Variants in COL19A1 observed in about 807,000 individuals in gnomAD.
COL19A1 encodes the protein collagen alpha-1(XIX) chain.
A neutral mutation model predicts 190.2 loss-of-function variants in COL19A1; 159 were observed. That is an observed-to-expected ratio of 0.84 (90% CI 0.73 to 0.95). The LOEUF (loss-of-function observed/expected upper bound fraction) is 0.95. Among genes scored for constraint, COL19A1 ranks in the 40% least tolerant of loss-of-function variants. The pLI, the probability that COL19A1 is intolerant of heterozygous loss-of-function variation, is 0.00. For synonymous variants in COL19A1, 509 were observed against 458.9 expected, an observed-to-expected ratio of 1.11 and a Z score of -1.39; for missense variants, 1,418 against 1,431.9, an observed-to-expected ratio of 0.99 and a Z score of 0.16.
chr6:70,114,079 G>C (rs1184468579), intron 16 of COL19A1, among the ~76,000 whole-genome samples: 2 of 151,958 alleles, frequency 1.3e-5, no homozygotes, highest in South Asian at 2.1e-4. Flanking sequence ...TCGAACTCCT[G>C]AGCTCAAGCA....
chr6:70,080,428 G>A (rs1782179323), intron 15 of COL19A1, among the ~76,000 whole-genome samples: 1 of 152,194 alleles, frequency 6.6e-6, no homozygotes, highest in Non-Finnish European at 1.5e-5. Flanking sequence ...TGGGGAAAAT[G>A]TGGGCATTTC....
intron 2 of COL19A1, chr6:69,890,439 C>T (rs1053106798): frequency 2.0e-5 from 3 of 152,176 alleles, no homozygotes; most frequent in Non-Finnish European, 4.4e-5. Context: ...CTTATCATCT[C>T]CTGTTGGTTC....
intron 11 of COL19A1, among the ~76,000 whole-genome samples, chr6:69,965,894 C>T (rs1365503476): frequency 1.3e-5 from 2 of 152,176 alleles, no homozygotes; most frequent in Non-Finnish European, 2.9e-5. Context: ...ACCCTCTCCA[C>T]AGCTGAGAGT....
rs150948416 is a variant in COL19A1, at chr6:69,927,784, A to G, written c.267-125A>G. 1.5e-3 allele frequency: 1,880 copies of G among 1,242,486 alleles called. 17 individuals carry two copies. Among genetic ancestry groups the G allele is most frequent in the African/African-American group, 0.012 (821 of 66,358 alleles). 77.0% of individuals were successfully genotyped at this position (1,242,486 alleles called of 1,614,324 possible). A position where few individuals can be genotyped will look rare whatever the true frequency, so the allele number is the denominator to read the frequency against. ...TTTTTAAAAGGAAAGAGAAAAGTGC[A>G]TAAGTTACACATTTACTGAGAAAAA... On this transcript the variant is annotated intron_variant, in intron 4 of 50. Coordinates refer to ENST00000620364, the MANE Select transcript of COL19A1 (RefSeq NM_001858.6).
At chr6:70,055,672 T>G (rs541815690) in intron 14 of COL19A1, among the ~76,000 whole-genome samples, 127 of 150,808 alleles carry the variant, frequency 8.4e-4, no homozygotes, top group African/African-American at 3.0e-3. Flanking sequence ...ATCCCAGCTA[T>G]GCAGGAGGCT....
chr6:70,163,641 G>A (rs1371486915), intron 36 of COL19A1, among the ~76,000 whole-genome samples: 1 of 152,180 alleles, frequency 6.6e-6, no homozygotes, highest in African/African-American at 2.4e-5. Flanking sequence ...GTTCAGGCTG[G>A]ATTCAGAATC....
intron 12 of COL19A1, among the ~76,000 whole-genome samples, chr6:70,033,645 G>C (rs1036505409): frequency 3.3e-5 from 5 of 151,980 alleles, no homozygotes; most frequent in Non-Finnish European, 4.4e-5. Context: ...ATATTTATCT[G>C]TTATTCTGTA....
At chr6:70,058,783 T>G (rs1376092420) in intron 14 of COL19A1, among the ~76,000 whole-genome samples, 1 of 151,816 alleles carries the variant, frequency 6.6e-6, no homozygotes, top group East Asian at 1.9e-4. Flanking sequence ...GCTCTAGAGG[T>G]TAAAAAAAAT....
intron 11 of COL19A1, among the ~76,000 whole-genome samples, chr6:69,995,593 A>C (rs1375719857): frequency 1.3e-5 from 2 of 151,808 alleles, no homozygotes; most frequent in Non-Finnish European, 2.9e-5. Context: ...ATGTCTTTCT[A>C]TCTGGAATTC....
intron 12 of COL19A1, among the ~76,000 whole-genome samples, chr6:70,024,682 G>A (rs1778635152): frequency 6.6e-6 from 1 of 151,688 alleles, no homozygotes; most frequent in Admixed American, 6.6e-5. Context: ...AGTAGTTAAT[G>A]TTTCTATGTA....
At chr6:70,173,796 T>C (rs1318123263) in intron 41 of COL19A1, among the ~76,000 whole-genome samples, 2 of 152,040 alleles carry the variant, frequency 1.3e-5, no homozygotes, top group Non-Finnish European at 2.9e-5. Flanking sequence ...CTAGAGGAAG[T>C]AGGGTCGAGG....
At chr6:69,945,682 CAGTT>C (rs1773751692) in intron 9 of COL19A1, among the ~76,000 whole-genome samples, 1 of 151,544 alleles carries the variant, frequency 6.6e-6, no homozygotes, top group Admixed American at 6.6e-5. Flanking sequence ...TTTTTTGGAT[CAGTT>C]TTACCCAATT....
intron 14 of COL19A1, among the ~76,000 whole-genome samples, chr6:70,037,810 C>T (rs1247509455): frequency 6.6e-6 from 1 of 152,132 alleles, no homozygotes; most frequent in East Asian, 1.9e-4. Flanking sequence ...TGCCAAGGAA[C>T]ACCTTGAAGA....
At chr6:70,017,908 G>A (rs1174296761) in intron 11 of COL19A1, among the ~76,000 whole-genome samples, 1 of 152,132 alleles carries the variant, frequency 6.6e-6, no homozygotes, top group Non-Finnish European at 1.5e-5. Context: ...GGAGTGAACT[G>A]CAGAGTGAGT....
chr6:69,878,776 A>T (rs12526659), intron 1 of COL19A1, among the ~76,000 whole-genome samples: 247 of 152,370 alleles, frequency 1.6e-3, no homozygotes, highest in Middle Eastern at 0.01. Context: ...AGTAGTATTC[A>T]CAATAGCCAA....
intron 14 of COL19A1, among the ~76,000 whole-genome samples, chr6:70,054,772 A>T (rs143059328): frequency 6.6e-5 from 10 of 152,302 alleles, no homozygotes; most frequent in African/African-American, 2.4e-4. Flanking sequence ...GACTACTGTG[A>T]CAATGTAAAT....
intron 15 of COL19A1, among the ~76,000 whole-genome samples, chr6:70,083,656 A>G (rs568154627): frequency 5.3e-4 from 81 of 152,358 alleles, no homozygotes; most frequent in Admixed American, 2.6e-3. Context: ...AGCTTTTTAA[A>G]ACAGTTTAGC....
intron 14 of COL19A1, among the ~76,000 whole-genome samples, chr6:70,048,263 G>A (rs1780012331): frequency 6.6e-6 from 1 of 152,068 alleles, no homozygotes. Context: ...ATTAGCAGAT[G>A]CCCCTAATGC....
intron 11 of COL19A1, among the ~76,000 whole-genome samples, chr6:69,979,996 G>A (rs779920869): frequency 5.9e-5 from 9 of 151,792 alleles, no homozygotes; most frequent in African/African-American, 9.7e-5. Flanking sequence ...AAATTAATAC[G>A]TAAATGTAAT....
Sources: gnomAD v4.1 joint callset for allele counts (sites outside exome capture counted in the v4.1 genomes callset) on GRCh38, gnomAD v4.1.1 for gene constraint, MANE v1.5 for transcripts, NCBI Gene and HGNC (gene_info 2026-07-23, HGNC 2026-07-21) for gene names.